The following EDA variants were observed in gnomAD, a reference collection of about 807,000 sequenced individuals.
The protein encoded by EDA is ectodysplasin-A.
Under a neutral mutation model 23.6 loss-of-function variants are expected in EDA, and 2 were observed. The observed-to-expected ratio is 0.08, with a 90% confidence interval of 0.03 to 0.27. The LOEUF (loss-of-function observed/expected upper bound fraction) is 0.27, where lower values mean the gene tolerates loss of function less well. Among genes scored for constraint, EDA ranks in the 10% least tolerant of loss-of-function variants. EDA has a pLI of 1.00. For missense variants in EDA, 229 were observed against 324.2 expected (o/e 0.71, Z 2.26); for synonymous variants, 131 against 132.0 (o/e 0.99, Z 0.05).
intron 1 of EDA, among the ~76,000 whole-genome samples, chrX:69,747,045 A>G (rs2013645643): frequency 8.9e-6 from 1 of 112,127 alleles, no homozygotes; most frequent in Non-Finnish European, 1.9e-5. Flanking sequence ...AGATAGAGTT[A>G]TGAATAGATA....
chrX:70,017,082 C>G (rs1470776304), intron 2 of EDA, among the ~76,000 whole-genome samples: 1 of 111,248 alleles, frequency 9.0e-6, no homozygotes, highest in East Asian at 2.8e-4. Flanking sequence ...AAAAACACCT[C>G]TATGCACACA....
intron 1 of EDA, among the ~76,000 whole-genome samples, chrX:69,838,717 G>A (rs906153147): frequency 2.7e-5 from 3 of 112,591 alleles, no homozygotes; most frequent in African/African-American, 9.7e-5. Context: ...ATGGTAAAGT[G>A]GACAATCAAT....
chrX:69,773,091 G>A (rs1008253915), intron 1 of EDA, among the ~76,000 whole-genome samples: 3 of 111,550 alleles, frequency 2.7e-5, no homozygotes, highest in Non-Finnish European at 5.6e-5. Flanking sequence ...CCTAGCCCCT[G>A]ATAACTACTA....
At chrX:70,010,620 A>G (rs2019861826) in intron 2 of EDA, among the ~76,000 whole-genome samples, 1 of 112,002 alleles carries the variant, frequency 8.9e-6, no homozygotes, top group African/African-American at 3.2e-5. Flanking sequence ...GATTATTGAT[A>G]TAGCTGGATT....
chrX:69,715,490 A>G (rs974724594), intron 1 of EDA, among the ~76,000 whole-genome samples: 1 of 111,624 alleles, frequency 9.0e-6, no homozygotes, highest in Admixed American at 9.6e-5. Context: ...CCAGTTTGCT[A>G]TTGATGGACA....
chrX:69,963,672 T>C (rs1208520949), intron 2 of EDA, among the ~76,000 whole-genome samples: 1 of 111,676 alleles, frequency 9.0e-6, no homozygotes, highest in African/African-American at 3.3e-5. Context: ...CAGTAAATGA[T>C]CTCAACAGGC....
intron 1 of EDA, among the ~76,000 whole-genome samples, chrX:69,823,544 G>A (rs1246443126): frequency 1.4e-5 from 1 of 70,464 alleles, no homozygotes; most frequent in Non-Finnish European, 2.5e-5. Context: ...TGATGGGGTT[G>A]TTTGTTTTTT....
intron 1 of EDA, among the ~76,000 whole-genome samples, chrX:69,892,016 T>C (rs186125750): frequency 5.2e-4 from 58 of 112,062 alleles, no homozygotes; most frequent in African/African-American, 1.8e-3. Flanking sequence ...AGCTTTAAGT[T>C]TGTTAAACCT....
intron 1 of EDA, among the ~76,000 whole-genome samples, chrX:69,734,382 A>G (rs1259411259): frequency 8.9e-6 from 1 of 111,938 alleles, no homozygotes; most frequent in African/African-American, 3.2e-5. Flanking sequence ...TCATAGGACC[A>G]GCTTGTGATT....
At chrX:69,888,011 A>G (rs750962925) in intron 1 of EDA, among the ~76,000 whole-genome samples, 2 of 112,184 alleles carry the variant, frequency 1.8e-5, no homozygotes, top group South Asian at 7.4e-4. Flanking sequence ...GTAAATACAT[A>G]GTCAAATTCA....
chrX:69,781,883 G>C (rs1226109738), intron 1 of EDA, among the ~76,000 whole-genome samples: 2 of 110,738 alleles, frequency 1.8e-5, no homozygotes, highest in Non-Finnish European at 3.8e-5. Flanking sequence ...GTATCAAAAT[G>C]ATAAATACCA....
chrX:70,035,654 G>A lies in EDA; in HGVS notation c.*45G>A. ...TGTCCGTGCCCCTTCCCTGGGTTTGGGAGCCAGGACTCCCAGAACCTCTAA... is the reference window on the plus strand; with the variant it reads ...TGTCCGTGCCCCTTCCCTGGGTTTGAGAGCCAGGACTCCCAGAACCTCTAA... On this transcript the variant is annotated 3_prime_UTR_variant, in exon 8 of 8. Coordinates refer to ENST00000374552, the MANE Select transcript of EDA (RefSeq NM_001399.5). 1 of 1,199,232 alleles carries A rather than the reference G, an allele frequency of 8.3e-7. No individual in the cohort carries two copies. Among genetic ancestry groups the A allele is most frequent in the Non-Finnish European group, 1.1e-6 (1 of 888,544 alleles).
At chrX:69,960,710 T>C (rs1302371499) in intron 2 of EDA, among the ~76,000 whole-genome samples, 1 of 110,678 alleles carries the variant, frequency 9.0e-6, no homozygotes, top group Non-Finnish European at 1.9e-5. Context: ...TTACTTGATA[T>C]GTTATAATAA....
At chrX:69,823,159 G>A (rs6625516) in intron 1 of EDA, among the ~76,000 whole-genome samples, 12,590 of 62,443 alleles carry the variant, frequency 0.2, 2,147 homozygotes, top group East Asian at 0.68. Flanking sequence ...ATAAACATAC[G>A]TGTGCATGTG....
intron 1 of EDA, among the ~76,000 whole-genome samples, chrX:69,838,450 A>C (rs758492128): frequency 9.0e-6 from 1 of 110,906 alleles, no homozygotes; most frequent in East Asian, 2.9e-4. Flanking sequence ...ACATGGTGAA[A>C]CCCCATCTCT....
At chrX:69,938,044 C>G (rs1329029396) in intron 1 of EDA, 2 of 1,127,316 alleles carry the variant, frequency 1.8e-6, no homozygotes, top group African/African-American at 3.6e-5. Context: ...AGTCTAGATG[C>G]CAAGCATCAA....
chrX:69,930,618 A>G (rs1209924706), intron 1 of EDA, among the ~76,000 whole-genome samples: 1 of 111,698 alleles, frequency 9.0e-6, no homozygotes, highest in Non-Finnish European at 1.9e-5. Flanking sequence ...AATCAGGAAC[A>G]AGATTAAGAT....
At chrX:69,972,971 A>G (rs2019268782) in intron 2 of EDA, among the ~76,000 whole-genome samples, 3 of 111,284 alleles carry the variant, frequency 2.7e-5, no homozygotes, top group Non-Finnish European at 5.7e-5. Flanking sequence ...TTTCTTTTCC[A>G]TTTGAATTAG....
chrX:69,827,106 G>A (rs771358132), intron 1 of EDA, among the ~76,000 whole-genome samples: 4 of 111,528 alleles, frequency 3.6e-5, no homozygotes, highest in Admixed American at 1.9e-4. Flanking sequence ...AGGGTAACCC[G>A]ACCTTTCTCT....
Sources: gnomAD v4.1 joint callset for allele counts (sites outside exome capture counted in the v4.1 genomes callset) on GRCh38, gnomAD v4.1.1 for gene constraint, MANE v1.5 for transcripts, NCBI Gene and HGNC (gene_info 2026-07-23, HGNC 2026-07-21) for gene names.